The following KHDRBS2 variants were observed in gnomAD, a reference collection of about 807,000 sequenced individuals.
The protein encoded by KHDRBS2 is KH RNA binding domain containing, signal transduction associated 2.
In KHDRBS2, 26 loss-of-function variants were observed where a neutral mutation model predicts 44.3. The observed-to-expected ratio is 0.59, with a 90% CI of 0.43 to 0.81. The LOEUF (loss-of-function observed/expected upper bound fraction) is 0.81, where lower values mean the gene tolerates loss of function less well. KHDRBS2 is among the 40% of genes least tolerant of loss of function. KHDRBS2 has a pLI of 0.00. For missense variants in KHDRBS2, 476 were observed against 433.1 expected, an observed-to-expected ratio of 1.10 and a Z score of -0.88; for synonymous variants, 194 against 151.1, an observed-to-expected ratio of 1.28 and a Z score of -2.08.
chr6:61,922,794 A>G (rs1808295952), intron 4 of KHDRBS2, among the ~76,000 whole-genome samples: 1 of 152,144 alleles, frequency 6.6e-6, no homozygotes, highest in Non-Finnish European at 1.5e-5. Flanking sequence ...GAGTCCAACA[A>G]TTTACAAGTA....
chr6:62,246,784 T>C (rs1376135851), intron 1 of KHDRBS2, among the ~76,000 whole-genome samples: 3 of 152,032 alleles, frequency 2.0e-5, no homozygotes, highest in African/African-American at 7.2e-5. Flanking sequence ...CTGTGAGTAA[T>C]GATTTCAATT....
chr6:62,189,507 G>A (rs1395985887), intron 1 of KHDRBS2, among the ~76,000 whole-genome samples: 1 of 152,026 alleles, frequency 6.6e-6, no homozygotes, highest in Non-Finnish European at 1.5e-5. Flanking sequence ...GCAACAATAA[G>A]TAACATCATG....
chr6:61,760,185 C>G (rs1308508622), intron 6 of KHDRBS2, among the ~76,000 whole-genome samples: 3 of 152,146 alleles, frequency 2.0e-5, no homozygotes, highest in Admixed American at 1.3e-4. Flanking sequence ...GGAAGATAAA[C>G]TCAATAAATT....
intron 6 of KHDRBS2, among the ~76,000 whole-genome samples, chr6:61,780,672 GCTTT>G (rs1782796854): frequency 6.6e-6 from 1 of 152,142 alleles, no homozygotes; most frequent in South Asian, 2.1e-4. Flanking sequence ...TCTAGCTGTG[GCTTT>G]CTAATAATTT....
Position 62,047,978 on chromosome 6 carries a change from T to C in KHDRBS2, c.236A>G (p.Lys79Arg), listed in dbSNP as rs759403551. 1 of 1,600,308 alleles carries C rather than the reference T, an allele frequency of 6.2e-7. No homozygotes were observed. Among genetic ancestry groups the C allele is most frequent in the Non-Finnish European group, 8.6e-7 (1 of 1,167,918 alleles). ...KQYPKFNFVGKLLGPRGNSLK... is the reference protein window; with the variant it reads ...KQYPKFNFVGRLLGPRGNSLK... The stretch of plus-strand genomic sequence containing the variant: ...GGAGTTTCCTCTTGGTCCAAGCAAT[T>C]TCCCCACAAAATTGAACTAGGAAAC... The change falls in exon 3 of 9, where the codon AAA (lysine) becomes AGA (arginine). Residue 79 changes from lysine (K) to arginine (R), a missense_variant. Physicochemically the swap from Lys to Arg is conservative, Grantham distance 26. Coordinates refer to ENST00000281156, the MANE Select transcript of KHDRBS2 (RefSeq NM_152688.4).
At chr6:61,785,755 A>G (rs1359390731) in intron 6 of KHDRBS2, among the ~76,000 whole-genome samples, 3 of 152,108 alleles carry the variant, frequency 2.0e-5, no homozygotes, top group Non-Finnish European at 2.9e-5. Context: ...TATATTTTTT[A>G]AAAGTTATCC....
chr6:61,932,738 A>G (rs1171148558), intron 4 of KHDRBS2, among the ~76,000 whole-genome samples: 1 of 152,138 alleles, frequency 6.6e-6, no homozygotes, highest in Admixed American at 6.5e-5. Context: ...GTTTGCAGTG[A>G]GCCGAGATCA....
intron 6 of KHDRBS2, among the ~76,000 whole-genome samples, chr6:61,854,522 A>G (rs1055379707): frequency 2.6e-5 from 4 of 152,186 alleles, no homozygotes; most frequent in African/African-American, 4.8e-5. Context: ...GTTTTAAAAA[A>G]GCACAGTTTG....
At chr6:62,198,226 ATAAC>A (rs1245596552) in intron 1 of KHDRBS2, among the ~76,000 whole-genome samples, 2 of 152,208 alleles carry the variant, frequency 1.3e-5, no homozygotes, top group African/African-American at 4.8e-5. Flanking sequence ...AAGGCAATAA[ATAAC>A]TAAGATCAGA....
At chr6:62,160,907 A>G (rs1817483976) in intron 2 of KHDRBS2, among the ~76,000 whole-genome samples, 1 of 152,152 alleles carries the variant, frequency 6.6e-6, no homozygotes, top group Admixed American at 6.6e-5. Context: ...AATCATCACT[A>G]TCATTCATCT....
chr6:61,962,543 T>A (rs1768972609), intron 4 of KHDRBS2, among the ~76,000 whole-genome samples: 1 of 152,100 alleles, frequency 6.6e-6, no homozygotes, highest in Non-Finnish European at 1.5e-5. Flanking sequence ...TTTCAACTAA[T>A]ACAAAGTACA....
intron 7 of KHDRBS2, among the ~76,000 whole-genome samples, chr6:61,706,447 T>A (rs538853273): frequency 6.6e-6 from 1 of 151,744 alleles, no homozygotes; most frequent in African/African-American, 2.4e-5. Context: ...AAGATGCTAC[T>A]CAGAGAGGAT....
chr6:61,991,918 A>G (rs1776211747), intron 3 of KHDRBS2, among the ~76,000 whole-genome samples: 1 of 152,210 alleles, frequency 6.6e-6, no homozygotes, highest in Non-Finnish European at 1.5e-5. Context: ...AGACTGATCA[A>G]CATGGCCCTA....
chr6:61,922,269 C>T (rs1808210516), intron 4 of KHDRBS2, among the ~76,000 whole-genome samples: 1 of 151,762 alleles, frequency 6.6e-6, no homozygotes, highest in Admixed American at 6.6e-5. Flanking sequence ...GCTAGTGATC[C>T]CTGAAGTATG....
intron 3 of KHDRBS2, among the ~76,000 whole-genome samples, chr6:62,014,869 T>C (rs1780925927): frequency 6.6e-6 from 1 of 152,148 alleles, no homozygotes; most frequent in Non-Finnish European, 1.5e-5. Context: ...TTACATGATA[T>C]AAGAAAATAA....
chr6:61,561,298 G>A, the KHDRBS2 span, among the ~76,000 whole-genome samples: 3 of 152,228 alleles, frequency 2.0e-5, no homozygotes, highest in South Asian at 2.1e-4. Context: ...CCATCACTGT[G>A]ACTCCACTGA....
At chr6:61,983,219 T>TC (rs1490154391) in intron 3 of KHDRBS2, among the ~76,000 whole-genome samples, 3 of 83,240 alleles carry the variant, frequency 3.6e-5, no homozygotes, top group African/African-American at 1.5e-4. Flanking sequence ...TTTCTTTCTT[T>TC]CTTTCTTTCT....
chr6:61,909,689 A>G (rs1805696510), intron 4 of KHDRBS2, among the ~76,000 whole-genome samples: 1 of 152,122 alleles, frequency 6.6e-6, no homozygotes, highest in Non-Finnish European at 1.5e-5. Flanking sequence ...CTTAGCTCAT[A>G]GTCTGCATAT....
intron 3 of KHDRBS2, among the ~76,000 whole-genome samples, chr6:62,031,503 C>A (rs182264938): frequency 6.6e-6 from 1 of 151,994 alleles, no homozygotes; most frequent in African/African-American, 2.4e-5. Flanking sequence ...TTCCCTGGGC[C>A]AGAAAACAAA....
Sources: allele counts gnomAD v4.1 joint callset (sites outside exome capture counted in the v4.1 genomes callset), GRCh38; gene constraint gnomAD v4.1.1; transcripts MANE v1.5; gene names NCBI Gene and HGNC (gene_info 2026-07-23, HGNC 2026-07-21).